The following EFHB variants were observed in gnomAD, a reference collection of about 807,000 sequenced individuals.
The protein encoded by EFHB is EF-hand domain family member B.
In EFHB, 91 loss-of-function variants were observed where a neutral mutation model predicts 87.2. The ratio of observed to expected loss-of-function variants is 1.04; its 90% CI spans 0.88 to 1.24. The LOEUF is 1.24. EFHB is among the 50% of genes most tolerant of loss of function. The probability of loss-of-function intolerance (pLI) is 0.00; values close to 1 mark genes in which losing one functional copy is unlikely to be tolerated. For missense variants in EFHB, 1,084 were observed against 998.8 expected, an observed-to-expected ratio of 1.09 and a Z score of -1.15; for synonymous variants, 325 against 333.6, an observed-to-expected ratio of 0.97 and a Z score of 0.28.
chr3:19,936,210 C>T (rs760404486), upstream of EFHB: 20 of 941,684 alleles, frequency 2.1e-5, no homozygotes, highest in African/African-American at 4.9e-5. Flanking sequence ...ATTAGCCCAG[C>T]GTGGTGGCTC....
At chr3:19,887,606 G>A (rs988089684) in intron 10 of EFHB, among the ~76,000 whole-genome samples, 1 of 151,800 alleles carries the variant, frequency 6.6e-6, no homozygotes, top group African/African-American at 2.4e-5. Flanking sequence ...ACTTATCTTG[G>A]GCCACACATA....
At chr3:19,917,425 A>T (rs1259738082) in intron 4 of EFHB, among the ~76,000 whole-genome samples, 1 of 152,194 alleles carries the variant, frequency 6.6e-6, no homozygotes, top group Non-Finnish European at 1.5e-5. Context: ...AAGGAAAATA[A>T]TCTAATGAGC....
At chr3:19,938,392 T>C (rs1696071546), upstream of EFHB, among the ~76,000 whole-genome samples, 1 of 152,210 alleles carries the variant, frequency 6.6e-6, no homozygotes, top group African/African-American at 2.4e-5. Context: ...GCATGCATGA[T>C]GAAATGTTTA....
chr3:19,930,125 T>C (rs1440395471), intron 1 of EFHB, among the ~76,000 whole-genome samples: 1 of 152,240 alleles, frequency 6.6e-6, no homozygotes, highest in Non-Finnish European at 1.5e-5. Flanking sequence ...ATATTAATAA[T>C]CGTGAAACAG....
rs139405916 is a variant in EFHB, at chr3:19,888,604, G to C, written c.1773C>G (p.Asp591Glu). The C allele has an allele frequency of 3.7e-6, 6 of 1,607,462 alleles. No individual in the cohort carries two copies. In the African/African-American group the frequency reaches 5.3e-5, roughly 14 times the overall value. The change falls in exon 10 of 13, where the codon GAC (aspartate) becomes GAG (glutamate). Residue 591 changes from aspartate (D) to glutamate (E), a missense_variant. Transcript: ENST00000295824. ...IDKDELQEAC[D>E]QANLSLDDKL... is the part of the protein sequence containing the mutation. ...TGTCATCTAAACTCAAGTTGGCCTG[G>C]TCACAAGCTTCCTGCAGCTCGTCTT...
At chr3:19,891,381 A>T (rs903053999) in intron 9 of EFHB, among the ~76,000 whole-genome samples, 2 of 151,820 alleles carry the variant, frequency 1.3e-5, no homozygotes, top group African/African-American at 4.8e-5. Flanking sequence ...AGAAAAAAAA[A>T]ATTATTCACC....
At chr3:19,886,569 A>C (rs544976130) in intron 10 of EFHB, among the ~76,000 whole-genome samples, 102 of 150,960 alleles carry the variant, frequency 6.8e-4, no homozygotes, top group African/African-American at 2.4e-3. Context: ...ACAGCCACTC[A>C]AGAGGCTGAG....
intron 1 of EFHB, chr3:19,942,501 T>G (rs1359253112): frequency 6.6e-6 from 1 of 152,096 alleles, no homozygotes; most frequent in Non-Finnish European, 1.5e-5. Flanking sequence ...CAGACCAAGT[T>G]GCAGGGGGTA....
chr3:19,946,366 C>G (rs926283701), intron 1 of EFHB: 1 of 152,254 alleles, frequency 6.6e-6, no homozygotes, highest in East Asian at 1.9e-4. Context: ...ATGTAGGGAA[C>G]AGACGATTAA....
At chr3:19,930,944 C>A (rs1205631043) in intron 1 of EFHB, among the ~76,000 whole-genome samples, 2 of 152,028 alleles carry the variant, frequency 1.3e-5, no homozygotes, top group East Asian at 1.9e-4. Context: ...ACCAGCCTGG[C>A]CAACATGGCG....
At chr3:19,934,459 GTGTC>G (rs2125169189), upstream of EFHB, among the ~76,000 whole-genome samples, 1 of 117,978 alleles carries the variant, frequency 8.5e-6, no homozygotes, top group South Asian at 2.8e-4. Context: ...CCCTCTCTGT[GTGTC>G]TCTCTCTCTT....
chr3:19,907,900 G>A (rs1008623860), intron 5 of EFHB, among the ~76,000 whole-genome samples: 2 of 152,098 alleles, frequency 1.3e-5, no homozygotes, highest in African/African-American at 4.8e-5. Context: ...AAGAAGATTG[G>A]CTGAGCTCAT....
chr3:19,899,501 T>G lies in EFHB; in HGVS notation c.1433A>C (p.Lys478Thr), dbSNP rs1438562205. ...LHELQMKRGA[K>T]FVSKRADDFK... ...ATCATCTGCTCTTTTGGATACAAACTTAGCTCCTCTTTTCCTGCAAAATTA... is the reference window on the plus strand; with the variant it reads ...ATCATCTGCTCTTTTGGATACAAACGTAGCTCCTCTTTTCCTGCAAAATTA... The change falls in exon 7 of 13, where the codon AAG (lysine) becomes ACG (threonine). Residue 478 changes from lysine (K) to threonine (T), a missense_variant. Coordinates refer to ENST00000295824, the MANE Select transcript of EFHB (RefSeq NM_144715.4). 1.9e-6 allele frequency: 3 copies of G among 1,601,104 alleles called. No homozygotes were observed. Among genetic ancestry groups the G allele is most frequent in the Admixed American group, 1.7e-5 (1 of 57,850 alleles).
chr3:19,940,440 A>C (rs1232245857), intron 1 of EFHB: 1 of 477,604 alleles, frequency 2.1e-6, no homozygotes, highest in Non-Finnish European at 4.2e-6. Context: ...CCTGATTCTT[A>C]TCTATCCAGT....
intron 6 of EFHB, 116 bp from the exon 7 acceptor site, chr3:19,899,631 T>C (rs1256267687): frequency 1.7e-6 from 1 of 604,392 alleles, no homozygotes; most frequent in African/African-American, 1.9e-5. Flanking sequence ...ACAAATGTAG[T>C]TTCAAAAGAA....
intron 12 of EFHB, among the ~76,000 whole-genome samples, chr3:19,882,127 T>C (rs1261815431): frequency 2.0e-5 from 3 of 152,122 alleles, no homozygotes; most frequent in African/African-American, 7.2e-5. Flanking sequence ...TTTAAATCAA[T>C]GCTTGTCACA....
Position 19,888,580 on chromosome 3 carries a change from G to T in EFHB, c.1797C>A (p.Asp599Glu). The T allele has an allele frequency of 6.2e-7, 1 of 1,604,802 alleles. No homozygotes were observed. Among genetic ancestry groups the T allele is most frequent in the Non-Finnish European group, 8.5e-7 (1 of 1,175,250 alleles). The change falls in exon 10 of 13, where the codon GAC becomes GAA. Residue 599 changes from aspartate to glutamate, a missense_variant. By Grantham distance (45) the Asp-to-Glu change is conservative. Transcript: ENST00000295824. The stretch of plus-strand genomic sequence containing the variant: ...AGTCAAATAGCTGGTCCAGGAGCTT[G>T]TCATCTAAACTCAAGTTGGCCTGGT... ...ACDQANLSLD[D>E]KLLDQLFDYC...
chr3:19,896,511 C>A, intron 9 of EFHB, 176 bp downstream of exon 9: 1 of 875,796 alleles, frequency 1.1e-6, no homozygotes, highest in South Asian at 1.4e-5. Context: ...AAAGCAGCCA[C>A]AGACAATACT....
At chr3:19,892,581 A>C (rs982590266) in intron 9 of EFHB, among the ~76,000 whole-genome samples, 7 of 152,158 alleles carry the variant, frequency 4.6e-5, no homozygotes, top group Non-Finnish European at 8.8e-5. Context: ...CAGGCATAAA[A>C]AGGATTCTAG....
Sources: gnomAD v4.1 joint callset for allele counts (sites outside exome capture counted in the v4.1 genomes callset) on GRCh38, gnomAD v4.1.1 for gene constraint, MANE v1.5 for transcripts, NCBI Gene and HGNC (gene_info 2026-07-23, HGNC 2026-07-21) for gene names.